Variants in NKAIN3 observed in about 807,000 individuals in gnomAD.
The protein encoded by NKAIN3 is sodium/potassium-transporting ATPase subunit beta-1-interacting protein 3.
NKAIN3 carries 25 observed loss-of-function variants against 30.2 expected under a neutral mutation model. That is an observed-to-expected ratio of 0.83 (90% CI 0.60 to 1.16). The LOEUF is 1.16. NKAIN3 is among the 50% of genes most tolerant of loss of function. NKAIN3 has a pLI of 0.00. For missense variants in NKAIN3, 225 were observed against 254.1 expected, an observed-to-expected ratio of 0.89 and a Z score of 0.78; for synonymous variants, 91 against 89.6, an observed-to-expected ratio of 1.02 and a Z score of -0.09.
intron 6 of NKAIN3, among the ~76,000 whole-genome samples, chr8:62,959,550 C>A (rs1312182393): frequency 1.3e-5 from 2 of 151,634 alleles, no homozygotes; most frequent in Non-Finnish European, 2.9e-5. Context: ...TAGTAAACTG[C>A]AGCTGGAGGC....
In NKAIN3 at chr8:62,299,150, T is replaced by C. The variant is rs999054380; in HGVS notation, c.54+50023T>C. Among the ~76,000 whole-genome samples, 4 of 152,242 alleles carry C rather than the reference T, an allele frequency of 2.6e-5. No homozygotes were observed. The South Asian group carries it at 8.3e-4, about 32-fold the overall frequency. On this transcript the variant is annotated intron_variant, in intron 1 of 6. Coordinates refer to ENST00000623646, the MANE Select transcript of NKAIN3 (RefSeq NM_001304533.3). ...CCAACTTAAAGTTAGTACAATGGTG[T>C]GTACTTGTAAACAGAAAAAAAAATT...
At chr8:62,783,838 T>C (rs1163291895) in intron 4 of NKAIN3, among the ~76,000 whole-genome samples, 1 of 152,016 alleles carries the variant, frequency 6.6e-6, no homozygotes, top group Non-Finnish European at 1.5e-5. Flanking sequence ...TGTTTGTTTG[T>C]TTCACCATGT....
chr8:62,256,302 C>T (rs1003347671), intron 1 of NKAIN3, among the ~76,000 whole-genome samples: 5 of 151,990 alleles, frequency 3.3e-5, no homozygotes, highest in African/African-American at 1.2e-4. Flanking sequence ...TACTTGTAGT[C>T]CTGCCTCCTT....
intron 1 of NKAIN3, among the ~76,000 whole-genome samples, chr8:62,369,433 T>A (rs1192349037): frequency 3.3e-5 from 5 of 152,090 alleles, no homozygotes; most frequent in African/African-American, 1.2e-4. Flanking sequence ...TGGTTATGCA[T>A]GTCTGTAAAT....
At chr8:62,997,771 A>AGAG (rs1348861705) in intron 5 of NKAIN3, among the ~76,000 whole-genome samples, 11 of 149,456 alleles carry the variant, frequency 7.4e-5, no homozygotes, top group African/African-American at 2.4e-4. Context: ...AAAAAAAAAA[A>AGAG]GAGGAGGAGG....
At chr8:62,606,290 A>G (rs929203380) in intron 3 of NKAIN3, among the ~76,000 whole-genome samples, 3 of 152,094 alleles carry the variant, frequency 2.0e-5, no homozygotes, top group Non-Finnish European at 4.4e-5. Context: ...GTGGCCTGAA[A>G]ATATCTGTTC....
chr8:62,915,604 C>T (rs904836231), intron 4 of NKAIN3, among the ~76,000 whole-genome samples: 4 of 152,058 alleles, frequency 2.6e-5, no homozygotes, highest in Admixed American at 2.6e-4. Context: ...CAGCAGCAAC[C>T]GAAAACTAAT....
intron 4 of NKAIN3, among the ~76,000 whole-genome samples, chr8:62,758,849 A>G (rs1452446118): frequency 6.6e-6 from 1 of 152,234 alleles, no homozygotes; most frequent in Non-Finnish European, 1.5e-5. Flanking sequence ...GAAATTAGAG[A>G]CAGAATTATC....
At position 62,970,054 on chromosome 8, in the gene NKAIN3, A is replaced by T. The variant is rs1283092134; in HGVS notation, c.*4647A>T. 1.4e-5 allele frequency among the ~76,000 whole-genome samples: 2 copies of T among 146,376 alleles called. No homozygotes were observed. Among genetic ancestry groups the T allele is most frequent in the Non-Finnish European group, 1.5e-5 (1 of 65,466 alleles). On this transcript the variant is annotated 3_prime_UTR_variant, in exon 7 of 7. Transcript: ENST00000623646. ...TACAAAAACAAACAAATAAACAAAA[A>T]ATACCTAAAAAAAAATTTAAATTAG...
chr8:62,488,729 C>A (rs1806977911), intron 1 of NKAIN3, among the ~76,000 whole-genome samples: 1 of 152,076 alleles, frequency 6.6e-6, no homozygotes, highest in South Asian at 2.1e-4. Context: ...TAGGCTGCTA[C>A]TAATAGAAAA....
rs149013831 is a variant in NKAIN3, at chr8:62,664,432, G to A, written c.273+74638G>A. The stretch of plus-strand genomic sequence containing the variant: ...CTCCCTGTCCTCTGAAATTGCCCTT[G>A]TCAAGATCTCCTCAACCTCAACTTT... On this transcript the variant is annotated intron_variant, in intron 3 of 6. Coordinates refer to ENST00000623646, the MANE Select transcript of NKAIN3 (RefSeq NM_001304533.3). Among the ~76,000 whole-genome samples, 102 of 152,170 alleles carry A rather than the reference G, an allele frequency of 6.7e-4. 1 individual carries two copies. The Middle Eastern group carries it at 0.01, about 15-fold the overall frequency.
chr8:62,885,330 T>C (rs1286863060), intron 4 of NKAIN3, among the ~76,000 whole-genome samples: 2 of 152,230 alleles, frequency 1.3e-5, no homozygotes, highest in Non-Finnish European at 1.5e-5. Flanking sequence ...TTAATCCCAC[T>C]GTGGTCTGAG....
At chr8:62,716,926 T>C (rs1814922809) in intron 3 of NKAIN3, among the ~76,000 whole-genome samples, 1 of 152,130 alleles carries the variant, frequency 6.6e-6, no homozygotes, top group Non-Finnish European at 1.5e-5. Flanking sequence ...CAAGACCCTG[T>C]ATCTTTTAAA....
intron 4 of NKAIN3, among the ~76,000 whole-genome samples, chr8:62,783,955 A>G (rs981599892): frequency 2.0e-5 from 3 of 151,938 alleles, no homozygotes; most frequent in African/African-American, 7.3e-5. Flanking sequence ...CAGAATACAC[A>G]TTTTTTAAAG....
intron 3 of NKAIN3, among the ~76,000 whole-genome samples, chr8:62,605,663 C>A (rs2130165261): frequency 6.6e-6 from 1 of 152,062 alleles, no homozygotes; most frequent in Non-Finnish European, 1.5e-5. Context: ...TGTAGCGTAT[C>A]TATTTACATA....
intron 4 of NKAIN3, among the ~76,000 whole-genome samples, chr8:62,868,144 CT>C (rs1563602434): frequency 6.6e-6 from 1 of 152,072 alleles, no homozygotes; most frequent in Non-Finnish European, 1.5e-5. Context: ...AGAAGTATGA[CT>C]GTTAGAAAAG....
At chr8:62,716,933 T>A (rs555243521) in intron 3 of NKAIN3, among the ~76,000 whole-genome samples, 1 of 152,134 alleles carries the variant, frequency 6.6e-6, no homozygotes, top group African/African-American at 2.4e-5. Context: ...CTGTATCTTT[T>A]AAAAAAATAA....
At chr8:62,774,698 G>A (rs1381672288) in intron 4 of NKAIN3, among the ~76,000 whole-genome samples, 1 of 152,100 alleles carries the variant, frequency 6.6e-6, no homozygotes, top group Non-Finnish European at 1.5e-5. Context: ...TTGACATGGT[G>A]TATTACATTG....
intron 3 of NKAIN3, among the ~76,000 whole-genome samples, chr8:62,741,026 G>GAA (rs34258703): frequency 0.022 from 2,902 of 134,512 alleles, 43 homozygotes; most frequent in Middle Eastern, 0.068. Flanking sequence ...TAAACTTTAT[G>GAA]AAAAAAAAAA....
Sources: gnomAD v4.1 joint callset for allele counts (sites outside exome capture counted in the v4.1 genomes callset) on GRCh38, gnomAD v4.1.1 for gene constraint, MANE v1.5 for transcripts, NCBI Gene and HGNC (gene_info 2026-07-23, HGNC 2026-07-21) for gene names.